The following ITGB3BP variants were observed in gnomAD, a reference collection of about 807,000 sequenced individuals.
ITGB3BP encodes integrin subunit beta 3 binding protein.
Under a neutral mutation model 29.1 loss-of-function variants are expected in ITGB3BP, and 27 were observed. The ratio of observed to expected loss-of-function variants is 0.93; its 90% confidence interval spans 0.68 to 1.28. ITGB3BP has a LOEUF of 1.28. Among genes scored for constraint, ITGB3BP ranks in the 50% most tolerant of loss-of-function variants. The pLI, the probability that ITGB3BP is intolerant of heterozygous loss-of-function variation, is 0.00. For missense variants in ITGB3BP, 192 were observed against 200.2 expected, an observed-to-expected ratio of 0.96 and a Z score of 0.25; for synonymous variants, 61 against 61.4, an observed-to-expected ratio of 0.99 and a Z score of 0.03.
chr1:63,516,571 G>A (rs1166523940), intron 1 of ITGB3BP, among the ~76,000 whole-genome samples: 2 of 151,612 alleles, frequency 1.3e-5, no homozygotes, highest in Non-Finnish European at 2.9e-5. Flanking sequence ...TTAGGCCAGT[G>A]TGGTGGTGTA....
At chr1:63,467,425 C>G (rs1645116727) in intron 4 of ITGB3BP, among the ~76,000 whole-genome samples, 1 of 150,636 alleles carries the variant, frequency 6.6e-6, no homozygotes, top group Admixed American at 6.6e-5. Context: ...TCACCACTCA[C>G]TGCAGCCTCC....
At chr1:63,465,610 GA>G (rs1645086761) in intron 4 of ITGB3BP, among the ~76,000 whole-genome samples, 1 of 151,826 alleles carries the variant, frequency 6.6e-6, no homozygotes, top group East Asian at 1.9e-4. Flanking sequence ...GCTCAGGCTT[GA>G]ACTCCTGAAC....
chr1:63,488,081 A>C (rs979081904), intron 3 of ITGB3BP, among the ~76,000 whole-genome samples: 2 of 152,158 alleles, frequency 1.3e-5, no homozygotes, highest in Non-Finnish European at 2.9e-5. Context: ...GAAGGAAGAC[A>C]TAGAACTAAA....
chr1:63,471,192 GTTTAA>G (rs995246335), intron 4 of ITGB3BP, among the ~76,000 whole-genome samples: 1 of 91,036 alleles, frequency 1.1e-5, no homozygotes, highest in Non-Finnish European at 2.4e-5. Context: ...TTTTAAAGCT[GTTTAA>G]TTTATCCATT....
intron 2 of ITGB3BP, among the ~76,000 whole-genome samples, chr1:63,491,625 C>CT (rs921210768): frequency 6.6e-6 from 1 of 152,016 alleles, no homozygotes; most frequent in Non-Finnish European, 1.5e-5. Flanking sequence ...GCTGTGTCAT[C>CT]TTTTTTAGTA....
At chr1:63,524,040 G>T (rs148883183), upstream of ITGB3BP, among the ~76,000 whole-genome samples, 123 of 152,246 alleles carry the variant, frequency 8.1e-4, 1 homozygote, top group East Asian at 0.02. Context: ...CCTGCGGGGG[G>T]TGCAATTATA....
rs1645110390 is a variant in ITGB3BP at position 63,467,019 on chromosome 1, T to C, written c.254+11745A>G. ...CCAAACAGCCTCCTATGTAGCTGGG[T>C]CCACAGGTGCACACTACCATGCTCG... is the stretch of plus-strand genomic sequence containing the variant. On this transcript the variant is annotated intron_variant, in intron 4 of 8. Coordinates refer to ENST00000271002, the MANE Select transcript of ITGB3BP (RefSeq NM_014288.5). 2.0e-5 allele frequency among the ~76,000 whole-genome samples: 3 copies of C among 151,476 alleles called. No homozygotes were observed. In the South Asian group the frequency reaches 6.3e-4, roughly 32 times the overall value.
chr1:63,478,194 C>T (rs1645374291), intron 4 of ITGB3BP, among the ~76,000 whole-genome samples: 1 of 152,150 alleles, frequency 6.6e-6, no homozygotes, highest in Non-Finnish European at 1.5e-5. Flanking sequence ...GAAATATTTT[C>T]AATTTGTCAT....
chr1:63,479,857 T>G (rs1645407513), intron 3 of ITGB3BP, among the ~76,000 whole-genome samples: 1 of 152,164 alleles, frequency 6.6e-6, no homozygotes, highest in South Asian at 2.1e-4. Flanking sequence ...CATGGGCACT[T>G]AGGTTGATTC....
Position 63,454,515 on chromosome 1 carries a change from C to T in ITGB3BP, c.334-42G>A. On this transcript the variant is annotated intron_variant, in intron 5 of 8. Coordinates refer to ENST00000271002, the MANE Select transcript of ITGB3BP (RefSeq NM_014288.5). The surrounding 1 kb of genome is among the most constrained non-coding windows in gnomAD (Gnocchi z 4.1). ...TTGAATGAGTTAAGTTCTCTACACA[C>T]ATGAGATTACTGACATGTCTAGTGA... 2 of 905,912 alleles carry T rather than the reference C, an allele frequency of 2.2e-6. No homozygotes were observed. Among genetic ancestry groups the T allele is most frequent in the Non-Finnish European group, 3.5e-6 (2 of 570,952 alleles). The allele number at this position is 905,912 out of a possible 1,614,324, so 56.1% of individuals were successfully genotyped here.
intron 7 of ITGB3BP, among the ~76,000 whole-genome samples, chr1:63,451,430 T>G (rs1644857925): frequency 6.6e-6 from 1 of 151,710 alleles, no homozygotes; most frequent in Non-Finnish European, 1.5e-5. Context: ...AATAAATAAA[T>G]AAAAGAAAGT....
upstream of ITGB3BP, among the ~76,000 whole-genome samples, chr1:63,528,168 C>A (rs1440102559): frequency 6.6e-6 from 1 of 151,920 alleles, no homozygotes; most frequent in Non-Finnish European, 1.5e-5. Context: ...AATTTGGAAG[C>A]AACGTAAGAG....
Position 63,508,578 on chromosome 1 carries a change from C to CA in ITGB3BP, c.6-9dup. 7.7e-7 allele frequency: 1 copy of CA among 1,305,214 alleles called. No individual in the cohort carries two copies. The highest frequency in any genetic ancestry group is 1.1e-6 in the Non-Finnish European group (1 of 951,138). The allele number at this position is 1,305,214 out of a possible 1,614,324, so 80.9% of individuals were successfully genotyped here. The stretch of plus-strand genomic sequence containing the variant: ...TTCAGTGATCTTTTAACACTACAAA[C>CA]AAAAAATTTAAAGAAATTTTAGATT... On this transcript the variant is annotated splice_polypyrimidine_tract_variant and intron_variant, in intron 1 of 8. Transcript: ENST00000271002.
intron 3 of ITGB3BP, among the ~76,000 whole-genome samples, chr1:63,483,314 G>C (rs1014042145): frequency 3.9e-5 from 6 of 152,076 alleles, no homozygotes; most frequent in African/African-American, 1.4e-4. Flanking sequence ...ACATTTTACA[G>C]GTAAGATATT....
At chr1:63,479,598 C>T (rs1443305253) in intron 3 of ITGB3BP, among the ~76,000 whole-genome samples, 4 of 152,070 alleles carry the variant, frequency 2.6e-5, no homozygotes, top group Non-Finnish European at 5.9e-5. Context: ...CCCAATCACT[C>T]GGCCCTCCCG....
intron 4 of ITGB3BP, among the ~76,000 whole-genome samples, chr1:63,469,072 CAT>C (rs1645150208): frequency 1.3e-5 from 2 of 150,236 alleles, no homozygotes; most frequent in South Asian, 4.2e-4. Context: ...GTCTGCCCAA[CAT>C]AAAGCTTTGT....
rs374961230 is a variant in ITGB3BP at position 63,454,012 on chromosome 1, A to C, written c.428-38T>G. The C allele has an allele frequency of 6.8e-6, 8 of 1,181,064 alleles. No homozygotes were observed. Among genetic ancestry groups the C allele is most frequent in the Non-Finnish European group, 1.0e-5 (8 of 803,528 alleles). The allele number at this position is 1,181,064 out of a possible 1,614,324, so 73.2% of individuals were successfully genotyped here. On this transcript the variant is annotated intron_variant, in intron 6 of 8. Transcript: ENST00000271002. The surrounding 1 kb of genome is among the most constrained non-coding windows in gnomAD (Gnocchi z 4.1). ...AAAATCCCATGTCAAGAATTAACATAGAATATGGATAATTTCTCAATACTT... is the reference window on the plus strand; with the variant it reads ...AAAATCCCATGTCAAGAATTAACATCGAATATGGATAATTTCTCAATACTT...
At chr1:63,524,783 C>G (rs1357267852), upstream of ITGB3BP, among the ~76,000 whole-genome samples, 4 of 152,038 alleles carry the variant, frequency 2.6e-5, no homozygotes, top group African/African-American at 7.2e-5. Flanking sequence ...ATTGCTACCC[C>G]TCAATTTCCT....
chr1:63,500,651 A>G (rs181318206), intron 2 of ITGB3BP, among the ~76,000 whole-genome samples: 1 of 152,352 alleles, frequency 6.6e-6, no homozygotes. Flanking sequence ...AAACAGAAAT[A>G]TATCTCACAT....
Sources: gnomAD v4.1 joint callset for allele counts (sites outside exome capture counted in the v4.1 genomes callset) on GRCh38, gnomAD v4.1.1 for gene constraint, Gnocchi (gnomAD v3.1) non-coding constraint, MANE v1.5 for transcripts, NCBI Gene and HGNC (gene_info 2026-07-23, HGNC 2026-07-21) for gene names.